The following NKAIN2 variants were observed in gnomAD, a reference collection of about 807,000 sequenced individuals.
NKAIN2 encodes the protein sodium/potassium-transporting ATPase subunit beta-1-interacting protein 2.
In NKAIN2, 14 loss-of-function variants were observed where a neutral mutation model predicts 32.6. That is an observed-to-expected ratio of 0.43 (90% CI 0.28 to 0.67). The LOEUF is 0.67. NKAIN2 is among the 30% of genes least tolerant of loss of function. The pLI, the probability that NKAIN2 is intolerant of heterozygous loss-of-function variation, is 0.17. For synonymous variants in NKAIN2, 80 were observed against 87.2 expected, an observed-to-expected ratio of 0.92 and a Z score of 0.46; for missense variants, 198 against 258.3, an observed-to-expected ratio of 0.77 and a Z score of 1.60.
chr6:124,660,486 A>G (rs1784707950), intron 4 of NKAIN2, among the ~76,000 whole-genome samples: 1 of 152,210 alleles, frequency 6.6e-6, no homozygotes, highest in African/African-American at 2.4e-5. Flanking sequence ...ACCATCTGTA[A>G]CAGCAAGGTG....
At chr6:123,939,037 T>C (rs1422045815) in intron 1 of NKAIN2, among the ~76,000 whole-genome samples, 1 of 151,948 alleles carries the variant, frequency 6.6e-6, no homozygotes, top group Admixed American at 6.6e-5. Context: ...ATAGCTGTAG[T>C]TGATTTTCAG....
chr6:124,281,929 C>T (rs531385594), intron 1 of NKAIN2, among the ~76,000 whole-genome samples: 44 of 152,186 alleles, frequency 2.9e-4, no homozygotes, highest in African/African-American at 9.6e-4. Context: ...CCTTGAAAAC[C>T]TGGCTGAATA....
chr6:124,566,010 A>T (rs1226606629), intron 3 of NKAIN2, among the ~76,000 whole-genome samples: 1 of 152,198 alleles, frequency 6.6e-6, no homozygotes, highest in African/African-American at 2.4e-5. Context: ...CAGATAATGG[A>T]AGACTTAGTG....
chr6:123,938,899 G>A (rs1776687671), intron 1 of NKAIN2, among the ~76,000 whole-genome samples: 2 of 151,730 alleles, frequency 1.3e-5, no homozygotes, highest in Non-Finnish European at 2.9e-5. Context: ...CATTAATCTT[G>A]CCTAGAATAT....
chr6:124,318,344 G>A (rs1424973555), intron 2 of NKAIN2, among the ~76,000 whole-genome samples: 5 of 151,500 alleles, frequency 3.3e-5, no homozygotes, highest in South Asian at 4.2e-4. Context: ...ATCTTGTTTG[G>A]GGAGTTTTAT....
chr6:124,362,820 A>C (rs1345478813), intron 3 of NKAIN2, among the ~76,000 whole-genome samples: 1 of 152,142 alleles, frequency 6.6e-6, no homozygotes, highest in Non-Finnish European at 1.5e-5. Context: ...ATGAATAAAA[A>C]AGGAAAAAGA....
At chr6:124,658,427 G>A (rs749922520) in intron 4 of NKAIN2, 41 bp downstream of exon 4, 2 of 1,613,834 alleles carry the variant, frequency 1.2e-6, no homozygotes, top group African/African-American at 2.7e-5. Context: ...GTGCCTCTGG[G>A]GTTGTTTTAT....
chr6:124,328,400 A>G (rs1489132600), intron 2 of NKAIN2, among the ~76,000 whole-genome samples: 1 of 152,158 alleles, frequency 6.6e-6, no homozygotes, highest in Non-Finnish European at 1.5e-5. Flanking sequence ...GTTTATGCTT[A>G]TGGTGATTCA....
At chr6:123,947,252 C>T (rs764551350) in intron 1 of NKAIN2, among the ~76,000 whole-genome samples, 1 of 152,124 alleles carries the variant, frequency 6.6e-6, no homozygotes, top group Non-Finnish European at 1.5e-5. Context: ...AAAGTTTACA[C>T]AATACTTGGA....
At chr6:124,181,367 T>C (rs187397952) in intron 1 of NKAIN2, among the ~76,000 whole-genome samples, 1 of 152,266 alleles carries the variant, frequency 6.6e-6, no homozygotes, top group Admixed American at 6.5e-5. Context: ...TTTTCCTTAT[T>C]GTCTTGGTGA....
intron 1 of NKAIN2, among the ~76,000 whole-genome samples, chr6:123,997,598 T>C (rs1433129315): frequency 5.6e-5 from 2 of 35,696 alleles, no homozygotes; most frequent in African/African-American, 2.5e-4. Flanking sequence ...GAGTTTATTC[T>C]TTTTTTTTTT....
At chr6:124,372,809 GAAAA>G (rs974266179) in intron 3 of NKAIN2, among the ~76,000 whole-genome samples, 2 of 140,078 alleles carry the variant, frequency 1.4e-5, no homozygotes, top group African/African-American at 5.3e-5. Flanking sequence ...TTGCTGAAAA[GAAAA>G]TAATAGATAT....
At chr6:124,718,621 C>T (rs1775868560) in intron 4 of NKAIN2, among the ~76,000 whole-genome samples, 1 of 152,082 alleles carries the variant, frequency 6.6e-6, no homozygotes, top group South Asian at 2.1e-4. Context: ...AAGAAATTCA[C>T]AATCTTTGCA....
intron 5 of NKAIN2, among the ~76,000 whole-genome samples, chr6:124,800,712 T>C (rs569299472): frequency 6.6e-6 from 1 of 152,340 alleles, no homozygotes; most frequent in South Asian, 2.1e-4. Flanking sequence ...TCCATGCCTA[T>C]TATCACTTGA....
intron 1 of NKAIN2, among the ~76,000 whole-genome samples, chr6:124,067,297 G>A (rs143866719): frequency 6.6e-6 from 1 of 152,198 alleles, no homozygotes; most frequent in Non-Finnish European, 1.5e-5. Context: ...ACACTGGTGT[G>A]GGAAGCATGA....
chr6:124,303,582 T>G (rs1448670407), intron 2 of NKAIN2, among the ~76,000 whole-genome samples: 3 of 152,308 alleles, frequency 2.0e-5, no homozygotes, highest in Middle Eastern at 3.4e-3. Flanking sequence ...GGTCTTCCAC[T>G]AAGGACAGTA....
intron 3 of NKAIN2, among the ~76,000 whole-genome samples, chr6:124,602,404 G>T (rs562875514): frequency 6.6e-6 from 1 of 151,970 alleles, no homozygotes; most frequent in Non-Finnish European, 1.5e-5. Context: ...TATAAACGAT[G>T]ATTATTTAAC....
chr6:124,595,211 G>C (rs777078865), intron 3 of NKAIN2, among the ~76,000 whole-genome samples: 1 of 152,120 alleles, frequency 6.6e-6, no homozygotes, highest in South Asian at 2.1e-4. Flanking sequence ...CACTGCAAAC[G>C]TCCCATGATC....
intron 3 of NKAIN2, among the ~76,000 whole-genome samples, chr6:124,359,702 A>G (rs1448556562): frequency 1.3e-5 from 2 of 152,160 alleles, no homozygotes; most frequent in African/African-American, 2.4e-5. Flanking sequence ...TAGATATACA[A>G]TGATGTCATC....
Sources: allele counts gnomAD v4.1 joint callset (sites outside exome capture counted in the v4.1 genomes callset), GRCh38; gene constraint gnomAD v4.1.1; transcripts MANE v1.5; gene names NCBI Gene and HGNC (gene_info 2026-07-23, HGNC 2026-07-21).